Variants in CCDC88C observed in about 807,000 individuals in gnomAD.
CCDC88C encodes the protein coiled-coil and HOOK domain protein 88C, also known as protein Daple.
Under a neutral mutation model 198.8 loss-of-function variants are expected in CCDC88C, and 131 were observed. The ratio of observed to expected loss-of-function variants is 0.66; its 90% CI spans 0.57 to 0.76. The LOEUF is 0.76. Ranked by LOEUF, CCDC88C falls within the 30% of genes least tolerant of loss-of-function variation. CCDC88C has a pLI of 0.00. For missense variants in CCDC88C, 2,553 were observed against 2,631.6 expected (o/e 0.97, Z 0.65); for synonymous variants, 1,166 against 1,114.7 (o/e 1.05, Z -0.92).
rs1167898124 is a variant in CCDC88C at position 91,383,452 on chromosome 14, C to T, written c.271-23741G>A. 5.7e-4 allele frequency among the ~76,000 whole-genome samples: 87 copies of T among 152,186 alleles called. 1 individual carries two copies. The highest frequency in any genetic ancestry group is 5.6e-3 in the Admixed American group (86 of 15,276). On this transcript the variant is annotated intron_variant, in intron 3 of 29. Transcript: ENST00000389857. ...CCAAGGAATGAGAAAGCCCCTCCCT[C>T]TTTCTGCTTGGGCACTCAGATGTCC...
chr14:91,316,889 G>A (rs894458530), intron 13 of CCDC88C, among the ~76,000 whole-genome samples: 1 of 152,178 alleles, frequency 6.6e-6, no homozygotes, highest in African/African-American at 2.4e-5. Context: ...GTATGGGATG[G>A]CTGCAGACTT....
chr14:91,309,588 C>A (rs1297687420), intron 16 of CCDC88C, among the ~76,000 whole-genome samples: 1 of 141,178 alleles, frequency 7.1e-6, no homozygotes, highest in Non-Finnish European at 1.5e-5. Context: ...CCAGCCTGGA[C>A]AACAGAGCCA....
rs559130765 is a variant in CCDC88C at position 91,325,945 on chromosome 14, G to A, written c.1162C>T (p.Leu388=). 14 of 1,557,612 alleles carry A rather than the reference G, an allele frequency of 9.0e-6. No individual in the cohort carries two copies. The highest frequency in any genetic ancestry group is 1.1e-5 in the Non-Finnish European group (13 of 1,149,962). Residue 388 remains leucine, a synonymous_variant, in exon 11 of 30, where the codon CTG becomes TTG. Transcript: ENST00000389857. The surrounding 1 kb of genome is among the most constrained non-coding windows in gnomAD (Gnocchi z 4.1). ...TCGTGAAGCTTGGATTTCAGCTGCA[G>A]GTTCTCCTTTTCCAGCTCATGGACT... ...DKVHELEKEN[L]QLKSKLHDLE...
chr14:91,294,536 T>C (rs1890913929), intron 22 of CCDC88C, among the ~76,000 whole-genome samples: 1 of 152,240 alleles, frequency 6.6e-6, no homozygotes, highest in Non-Finnish European at 1.5e-5. Flanking sequence ...CCTGGCAACA[T>C]GGCTACTGAG....
At chr14:91,380,688 G>GT (rs962784443) in intron 3 of CCDC88C, among the ~76,000 whole-genome samples, 9 of 151,310 alleles carry the variant, frequency 5.9e-5, no homozygotes, top group Middle Eastern at 6.8e-3. Context: ...CTCTGAAGTT[G>GT]TTTTTTTTTC....
At position 91,279,457 on chromosome 14, in the gene CCDC88C, G is replaced by A. The variant is rs148694441; in HGVS notation, c.4700-151C>T. The A allele has an allele frequency of 2.2e-4, 134 of 607,542 alleles. No individual in the cohort carries two copies. The East Asian group carries it at 3.6e-3, about 16-fold the overall frequency. 37.6% of individuals were successfully genotyped at this position (607,542 alleles called of 1,614,324 possible). A position where few individuals can be genotyped will look rare whatever the true frequency, so the allele number is the denominator to read the frequency against. On this transcript the variant is annotated intron_variant, in intron 27 of 29. Transcript: ENST00000389857. ...GGAGGAGCTCTGGGACTCCCTCTGC[G>A]CTCCAGTGAGGAAGCCTCACTTCAC...
intron 4 of CCDC88C, among the ~76,000 whole-genome samples, chr14:91,355,820 GC>G (rs1894019529): frequency 6.6e-6 from 1 of 152,122 alleles, no homozygotes; most frequent in African/African-American, 2.4e-5. Flanking sequence ...GGGGACAAAT[GC>G]GTAGACTCTC....
At position 91,313,392 on chromosome 14, in the gene CCDC88C, C is replaced by T. The variant is rs756783865; in HGVS notation, c.2424G>A (p.Leu808=). ...ALRRDLEALR[L]ANAQLEGAEK... ...CGGCCCCCTCCAACTGTGCATTGGC[C>T]AGCCGGAGGGCCTCCAGGTCCCGCC... is the stretch of plus-strand genomic sequence containing the variant. Residue 808 remains leucine, a synonymous_variant, in exon 15 of 30, where the codon CTG becomes CTA. Transcript: ENST00000389857. The surrounding 1 kb of genome is among the most constrained non-coding windows in gnomAD (Gnocchi z 5.2). 3.1e-6 allele frequency: 5 copies of T among 1,608,628 alleles called. No individual in the cohort carries two copies. Among genetic ancestry groups the T allele is most frequent in the African/African-American group, 2.7e-5 (2 of 74,920 alleles).
chr14:91,400,650 T>C (rs749888673), intron 3 of CCDC88C, among the ~76,000 whole-genome samples: 2 of 152,088 alleles, frequency 1.3e-5, no homozygotes, highest in Non-Finnish European at 2.9e-5. Flanking sequence ...ACCCAGACAT[T>C]GCAAACACAA....
Position 91,409,332 on chromosome 14 carries a change from G to T in CCDC88C, c.162-565C>A, listed in dbSNP as rs1364719575. Among the ~76,000 whole-genome samples the T allele has an allele frequency of 2.0e-5, 3 of 151,580 alleles. No individual in the cohort carries two copies. The East Asian group carries it at 5.8e-4, about 29-fold the overall frequency. On this transcript the variant is annotated intron_variant, in intron 2 of 29. Coordinates refer to ENST00000389857, the MANE Select transcript of CCDC88C (RefSeq NM_001080414.4). ...GCCTCCCAGGCAGCTAGGACTACAG[G>T]CCCAGCTAATTTTTTTTTAATTTTT... is the stretch of plus-strand genomic sequence containing the variant.
At chr14:91,388,029 C>A (rs935935517) in intron 3 of CCDC88C, among the ~76,000 whole-genome samples, 1 of 152,210 alleles carries the variant, frequency 6.6e-6, no homozygotes, top group Admixed American at 6.5e-5. Flanking sequence ...TTGGTTCTGC[C>A]TTGCGGCTGG....
chr14:91,311,559 G>T (rs1891825670), intron 15 of CCDC88C, among the ~76,000 whole-genome samples: 1 of 152,220 alleles, frequency 6.6e-6, no homozygotes, highest in Non-Finnish European at 1.5e-5. Flanking sequence ...CAGAAGCCAG[G>T]TGCCTGAACT....
intron 3 of CCDC88C, among the ~76,000 whole-genome samples, chr14:91,374,382 T>C (rs997799066): frequency 1.4e-4 from 21 of 152,166 alleles, no homozygotes; most frequent in African/African-American, 4.3e-4. Context: ...GCTTGGAATA[T>C]TGGAGTAAAT....
intron 27 of CCDC88C, chr14:91,281,027 A>T (rs1596017262): frequency 2.6e-6 from 1 of 387,900 alleles, no homozygotes; most frequent in Admixed American, 3.1e-5. Context: ...CCTTCTGCAG[A>T]AATTTATAAC....
chr14:91,299,797 CTGTT>C, intron 21 of CCDC88C, 126 bp downstream of exon 21: 2 of 1,239,522 alleles, frequency 1.6e-6, no homozygotes, highest in Non-Finnish European at 1.1e-6. Context: ...ACCCACCCAG[CTGTT>C]CACACAGCAA....
At chr14:91,355,190 G>A (rs1304912316) in intron 4 of CCDC88C, among the ~76,000 whole-genome samples, 1 of 152,192 alleles carries the variant, frequency 6.6e-6, no homozygotes, top group African/African-American at 2.4e-5. Flanking sequence ...TGGTGGTGGT[G>A]AGGAGGGCTG....
In CCDC88C at chr14:91,417,669, G is replaced by T. The variant is rs1887141520; in HGVS notation, c.22C>A (p.Leu8Ile). 5 of 1,583,658 alleles carry T rather than the reference G, an allele frequency of 3.2e-6. No individual in the cohort carries two copies. The highest frequency in any genetic ancestry group is 4.3e-6 in the Non-Finnish European group (5 of 1,168,394). ...GGGCTCTGCAGGAAGAGCTCCAGGA[G>T]CTCCGAGACTGTCACGTCCATGCTG... is the stretch of plus-strand genomic sequence containing the variant. MDVTVSE[L>I]LELFLQSPLV... Residue 8 changes from leucine to isoleucine, a missense_variant, in exon 1 of 30, where the codon CTC becomes ATC. Transcript: ENST00000389857.
At chr14:91,287,109 GTTAATTAA>G (rs1890441728) in intron 25 of CCDC88C, among the ~76,000 whole-genome samples, 1 of 152,120 alleles carries the variant, frequency 6.6e-6, no homozygotes, top group Admixed American at 6.6e-5. Context: ...ACTGATTATA[GTTAATTAA>G]TTCCACTTAA....
chr14:91,300,102 G>A (rs1415555680), intron 20 of CCDC88C, 32 bp from the exon 21 acceptor site: 5 of 1,598,042 alleles, frequency 3.1e-6, no homozygotes, highest in African/African-American at 2.7e-5. Context: ...CGTGAGTCTG[G>A]CCAGGGCCTT....
Sources: gnomAD v4.1 joint callset for allele counts (sites outside exome capture counted in the v4.1 genomes callset) on GRCh38, gnomAD v4.1.1 for gene constraint, Gnocchi (gnomAD v3.1) non-coding constraint, MANE v1.5 for transcripts, NCBI Gene and HGNC (gene_info 2026-07-23, HGNC 2026-07-21) for gene names.